The following MIR2052HG variants were observed in gnomAD, a reference collection of about 807,000 sequenced individuals.
The protein encoded by MIR2052HG is MIR2052 host gene.
intron 4 of MIR2052HG, among the ~76,000 whole-genome samples, chr8:74,737,447 A>G (rs1260205777): frequency 1.3e-5 from 2 of 152,058 alleles, no homozygotes; most frequent in South Asian, 2.1e-4. Flanking sequence ...TTGTTGCTTC[A>G]TTCTTTACTT....
intron 2 of MIR2052HG, among the ~76,000 whole-genome samples, chr8:74,655,383 T>C (rs1808794327): frequency 6.6e-6 from 1 of 152,048 alleles, no homozygotes; most frequent in Non-Finnish European, 1.5e-5. Context: ...CCCAGAAGCC[T>C]AGGAGGTAAA....
intron 4 of MIR2052HG, among the ~76,000 whole-genome samples, chr8:74,738,052 GTATC>G (rs762545007): frequency 1.8e-4 from 27 of 151,710 alleles, no homozygotes; most frequent in African/African-American, 3.2e-4. Flanking sequence ...ATGTATGTAT[GTATC>G]TATCATTTAT....
chr8:74,647,184 C>T (rs1808697563), intron 2 of MIR2052HG, among the ~76,000 whole-genome samples: 1 of 152,114 alleles, frequency 6.6e-6, no homozygotes, highest in Non-Finnish European at 1.5e-5. Flanking sequence ...GCCTTTCTGT[C>T]TCTTACATAT....
At chr8:74,755,963 T>G (rs1208879639) in intron 5 of MIR2052HG, among the ~76,000 whole-genome samples, 2 of 152,030 alleles carry the variant, frequency 1.3e-5, no homozygotes, top group Non-Finnish European at 2.9e-5. Flanking sequence ...ACAGGCTCTA[T>G]AGGTTAAAGG....
chr8:74,602,841 C>CTTTCTTTCTTTCTTTCTTTCT (rs1808031875), intron 1 of MIR2052HG, among the ~76,000 whole-genome samples: 1 of 139,976 alleles, frequency 7.1e-6, no homozygotes, highest in African/African-American at 2.7e-5. Context: ...TTCTTTCTTT[C>CTTTCTTTCTTTCTTTCTTTCT]TTTCTTTCTT....
At chr8:74,707,879 A>T (rs184702085) in intron 4 of MIR2052HG, among the ~76,000 whole-genome samples, 307 of 152,280 alleles carry the variant, frequency 2.0e-3, no homozygotes, top group Non-Finnish European at 3.0e-3. Context: ...GGATCCACGT[A>T]GTCTTTACAA....
At chr8:74,609,849 A>AAGACAAC (rs1808167273) in intron 1 of MIR2052HG, 1 of 151,422 alleles carries the variant, frequency 6.6e-6, no homozygotes, top group Admixed American at 6.6e-5. Flanking sequence ...CAGACAACAT[A>AAGACAAC]ATACTTAATG....
At chr8:74,744,670 G>GCTGCATAGTATT (rs1342829827) in intron 4 of MIR2052HG, among the ~76,000 whole-genome samples, 1 of 151,952 alleles carries the variant, frequency 6.6e-6, no homozygotes, top group African/African-American at 2.4e-5. Flanking sequence ...ATTTTTTCTG[G>GCTGCATAGTATT]CTGCATAGTA....
intron 4 of MIR2052HG, among the ~76,000 whole-genome samples, chr8:74,721,023 G>A (rs1809572660): frequency 6.6e-6 from 1 of 152,164 alleles, no homozygotes; most frequent in South Asian, 2.1e-4. Context: ...TTCAGGTGAG[G>A]ACACAGAGCC....
chr8:74,621,454 C>T (rs1808360286), intron 2 of MIR2052HG, among the ~76,000 whole-genome samples: 1 of 152,198 alleles, frequency 6.6e-6, no homozygotes, highest in Non-Finnish European at 1.5e-5. Context: ...GTTTAATAGA[C>T]TCACATTTCT....
At chr8:74,606,152 T>C (rs1002277646) in intron 1 of MIR2052HG, among the ~76,000 whole-genome samples, 7 of 152,180 alleles carry the variant, frequency 4.6e-5, no homozygotes, top group Non-Finnish European at 1.0e-4. Flanking sequence ...TATTACAAGG[T>C]GATAGACGCG....
chr8:74,619,187 C>A (rs142111139), intron 2 of MIR2052HG, among the ~76,000 whole-genome samples: 2 of 152,048 alleles, frequency 1.3e-5, no homozygotes, highest in Non-Finnish European at 2.9e-5. Context: ...GTTAAAATAT[C>A]CATACTACCC....
intron 4 of MIR2052HG, chr8:74,752,321 T>A (rs1490938055): frequency 3.1e-6 from 1 of 326,322 alleles, no homozygotes; most frequent in Admixed American, 4.3e-5. Flanking sequence ...TTTTAAGAGA[T>A]TAATTTTCAA....
intron 4 of MIR2052HG, among the ~76,000 whole-genome samples, chr8:74,704,999 T>C (rs77679978): frequency 0.012 from 1,798 of 152,110 alleles, 39 homozygotes; most frequent in African/African-American, 0.041. Context: ...AAAGTTGCAC[T>C]GGTCATGATG....
At chr8:74,742,161 A>G (rs764735015) in intron 4 of MIR2052HG, among the ~76,000 whole-genome samples, 2 of 152,206 alleles carry the variant, frequency 1.3e-5, no homozygotes, top group Non-Finnish European at 2.9e-5. Context: ...ACTAATTCCC[A>G]GGGCTCTGAA....
chr8:74,637,407 ACACT>A (rs931359205), intron 2 of MIR2052HG, among the ~76,000 whole-genome samples: 5 of 152,112 alleles, frequency 3.3e-5, no homozygotes, highest in East Asian at 1.9e-4. Flanking sequence ...AATAAAACAA[ACACT>A]CAAACACACA....
intron 4 of MIR2052HG, among the ~76,000 whole-genome samples, chr8:74,740,931 C>T (rs1023099131): frequency 5.3e-5 from 8 of 152,206 alleles, no homozygotes; most frequent in African/African-American, 7.2e-5. Context: ...CATTACAGAA[C>T]GTTCTCAATA....
At chr8:74,680,968 A>G (rs1809117571) in intron 2 of MIR2052HG, among the ~76,000 whole-genome samples, 2 of 150,656 alleles carry the variant, frequency 1.3e-5, no homozygotes, top group Non-Finnish European at 3.0e-5. Flanking sequence ...CAAGAACAAA[A>G]AACCAAACAC....
rs201307472 is a variant in MIR2052HG, at chr8:74,700,377, C to T, written n.217-2002C>T. ...GATGTGTGAAACGCCATGTTCAATG[C>T]TCTAAACCAGTGTTGCCTTGTAGAA... On this transcript the variant is annotated intron_variant and non_coding_transcript_variant, in intron 2 of 6. Transcript: ENST00000523442. 5.9e-5 allele frequency among the ~76,000 whole-genome samples: 9 copies of T among 152,234 alleles called. No individual in the cohort carries two copies. In the East Asian group the frequency reaches 1.7e-3, roughly 29 times the overall value.
Sources: gnomAD v4.1 joint callset for allele counts (sites outside exome capture counted in the v4.1 genomes callset) on GRCh38, gnomAD v4.1.1 for gene constraint, MANE v1.5 for transcripts, NCBI Gene and HGNC (gene_info 2026-07-23, HGNC 2026-07-21) for gene names.